The following ACBD6 variants were observed in gnomAD, a reference collection of about 807,000 sequenced individuals.
ACBD6 encodes the protein acyl-CoA-binding domain-containing protein 6.
ACBD6 carries 28 observed loss-of-function variants against 37.2 expected under a neutral mutation model. The ratio of observed to expected loss-of-function variants is 0.75; its 90% CI spans 0.56 to 1.03. The LOEUF is 1.03. ACBD6 is among the 50% of genes least tolerant of loss of function. ACBD6 has a pLI of 0.00. For synonymous variants in ACBD6, 113 were observed against 126.8 expected (o/e 0.89, Z 0.73); for missense variants, 340 against 337.4 (o/e 1.01, Z -0.06).
chr1:180,273,730 C>T (rs1474941941), intron 11 of ACBD6: 1 of 202,020 alleles, frequency 5.0e-6, no homozygotes, highest in Non-Finnish European at 1.0e-5. Context: ...GAGTGGTCCT[C>T]AGCTTCCCTG....
chr1:180,360,571 C>G (rs924230403), intron 6 of ACBD6, among the ~76,000 whole-genome samples: 1 of 152,088 alleles, frequency 6.6e-6, no homozygotes, highest in Non-Finnish European at 1.5e-5. Context: ...TTAACAAGCT[C>G]TATGTAATTC....
chr1:180,328,886 G>C (rs1205116717), intron 6 of ACBD6, among the ~76,000 whole-genome samples: 1 of 151,966 alleles, frequency 6.6e-6, no homozygotes, highest in African/African-American at 2.4e-5. Flanking sequence ...CAGGTTCTAG[G>C]TATTTTCCTT....
At chr1:180,291,451 A>G (rs897548277) in intron 7 of ACBD6, among the ~76,000 whole-genome samples, 4 of 152,174 alleles carry the variant, frequency 2.6e-5, no homozygotes, top group African/African-American at 9.6e-5. Flanking sequence ...TCTAATCTGT[A>G]CTTCCCTAAT....
intron 6 of ACBD6, among the ~76,000 whole-genome samples, chr1:180,360,265 G>A (rs545095002): frequency 2.6e-5 from 4 of 152,006 alleles, no homozygotes; most frequent in African/African-American, 7.3e-5. Flanking sequence ...GGAGACAAAC[G>A]TCCAAAAAAT....
In ACBD6 at chr1:180,476,751, G is replaced by A. The variant is rs187457340; in HGVS notation, c.384+15518C>T. ...TGAGGCAGGAGAATTGCTTGAACCC[G>A]GGAGACAGAGGTTGCAGTGAGCTGA... On this transcript the variant is annotated intron_variant, in intron 3 of 7. Coordinates refer to ENST00000367595, the MANE Select transcript of ACBD6 (RefSeq NM_032360.4). Among the ~76,000 whole-genome samples the A allele has an allele frequency of 6.8e-3, 1,037 of 152,062 alleles. 17 individuals are homozygous for A. The highest frequency in any genetic ancestry group is 0.023 in the African/African-American group (965 of 41,468).
At chr1:180,408,973 A>G (rs1647739719) in intron 5 of ACBD6, among the ~76,000 whole-genome samples, 1 of 152,094 alleles carries the variant, frequency 6.6e-6, no homozygotes, top group South Asian at 2.1e-4. Context: ...CCTGGCCAAC[A>G]TGGTGAAACC....
At chr1:180,349,329 C>T (rs1308976524) in intron 6 of ACBD6, among the ~76,000 whole-genome samples, 1 of 150,832 alleles carries the variant, frequency 6.6e-6, no homozygotes, top group Non-Finnish European at 1.5e-5. Context: ...GATCTCGGCT[C>T]ACTGCAAGCT....
chr1:180,411,908 G>C (rs1647874752), intron 5 of ACBD6, among the ~76,000 whole-genome samples: 1 of 152,000 alleles, frequency 6.6e-6, no homozygotes, highest in African/African-American at 2.4e-5. Flanking sequence ...CTGGCCTCGT[G>C]ATCTGCCCAC....
chr1:180,278,170 A>T (rs1271353933), intron 9 of ACBD6: 1 of 152,248 alleles, frequency 6.6e-6, no homozygotes, highest in African/African-American at 2.4e-5. Flanking sequence ...CTCCCCAGCC[A>T]GCAGGGTCTG....
At chr1:180,484,589 T>C (rs748233498) in intron 3 of ACBD6, among the ~76,000 whole-genome samples, 3 of 152,172 alleles carry the variant, frequency 2.0e-5, no homozygotes, top group Non-Finnish European at 2.9e-5. Context: ...TATAAACTTA[T>C]GGTTTTTAGT....
intron 6 of ACBD6, among the ~76,000 whole-genome samples, chr1:180,358,337 G>C (rs1185733696): frequency 6.6e-6 from 1 of 152,124 alleles, no homozygotes; most frequent in Non-Finnish European, 1.5e-5. Flanking sequence ...TGAGGCAGGA[G>C]AATTGCTTGA....
intron 4 of ACBD6, among the ~76,000 whole-genome samples, chr1:180,425,739 A>G (rs1017764992): frequency 3.3e-5 from 5 of 152,222 alleles, no homozygotes; most frequent in African/African-American, 1.2e-4. Context: ...ATTTACAATA[A>G]AACTATACAC....
At chr1:180,490,961 TA>T (rs67650274) in intron 3 of ACBD6, among the ~76,000 whole-genome samples, 61,545 of 93,980 alleles carry the variant, frequency 0.65, 18,245 homozygotes, top group South Asian at 0.73. Context: ...CTGTCTCATA[TA>T]AAAAAAAAAA....
chr1:180,502,305 C>T lies in ACBD6; in HGVS notation c.-39G>A, dbSNP rs374328434. On this transcript the variant is annotated 5_prime_UTR_variant, in exon 1 of 8. Transcript: ENST00000367595. ...CTCCGTCCCTCTGTGTCCGGTCTGT[C>T]CTCCTTGGATTGGGTGTAAGGCCGG... 52 of 1,607,252 alleles carry T rather than the reference C, an allele frequency of 3.2e-5. No individual in the cohort carries two copies. The Admixed American group carries it at 6.7e-4, about 21-fold the overall frequency.
At chr1:180,347,382 T>TTC (rs1558260161) in intron 6 of ACBD6, among the ~76,000 whole-genome samples, 1 of 147,300 alleles carries the variant, frequency 6.8e-6, no homozygotes, top group Non-Finnish European at 1.5e-5. Context: ...TTTTTTTTTT[T>TTC]GAGACAGAGT....
intron 6 of ACBD6, among the ~76,000 whole-genome samples, chr1:180,330,125 T>C (rs1571367753): frequency 6.6e-6 from 1 of 152,120 alleles, no homozygotes; most frequent in South Asian, 2.1e-4. Flanking sequence ...AAAACTTCAT[T>C]TGAAGGCTGG....
intron 5 of ACBD6, among the ~76,000 whole-genome samples, chr1:180,411,393 G>T (rs1647850843): frequency 6.6e-6 from 1 of 152,104 alleles, no homozygotes; most frequent in African/African-American, 2.4e-5. Context: ...CTTTTACGAA[G>T]GAAGACTCAA....
chr1:180,474,453 TA>T (rs67426379), intron 3 of ACBD6, among the ~76,000 whole-genome samples: 76 of 147,868 alleles, frequency 5.1e-4, no homozygotes, highest in African/African-American at 1.2e-3. Flanking sequence ...TCTGAAAAGC[TA>T]AAAAAAAAAA....
chr1:180,404,945 A>T (rs1197341015), intron 5 of ACBD6, among the ~76,000 whole-genome samples: 1 of 152,222 alleles, frequency 6.6e-6, no homozygotes, highest in Non-Finnish European at 1.5e-5. Context: ...ACATGACCAT[A>T]GACTTGATTT....
Sources: allele counts gnomAD v4.1 joint callset (sites outside exome capture counted in the v4.1 genomes callset), GRCh38; gene constraint gnomAD v4.1.1; transcripts MANE v1.5; gene names NCBI Gene and HGNC (gene_info 2026-07-23, HGNC 2026-07-21).